Variants in LMBR1 observed in about 807,000 individuals in gnomAD.
LMBR1 encodes the protein limb region 1 protein homolog.
LMBR1 carries 52 observed loss-of-function variants against 73.9 expected under a neutral mutation model. That is an observed-to-expected ratio of 0.70 (90% CI 0.56 to 0.89). The LOEUF (loss-of-function observed/expected upper bound fraction) is 0.89. Among genes scored for constraint, LMBR1 ranks in the 40% least tolerant of loss-of-function variants. The pLI is 0.00. For synonymous variants in LMBR1, 215 were observed against 209.4 expected (o/e 1.03, Z -0.23); for missense variants, 539 against 579.8 (o/e 0.93, Z 0.72).
Position 156,836,838 on chromosome 7 carries a change from G to T in LMBR1, c.114C>A (p.Ile38=). 6.3e-7 allele frequency: 1 copy of T among 1,580,012 alleles called. No homozygotes were observed. The highest frequency in any genetic ancestry group is 8.6e-7 in the Non-Finnish European group (1 of 1,159,044). The change falls in exon 2 of 17, where the codon ATC becomes ATA. Residue 38 remains isoleucine, a synonymous_variant. Coordinates refer to ENST00000353442, the MANE Select transcript of LMBR1 (RefSeq NM_022458.4). ...CTGATTTTCTCTTGTATCTTGTGAT[G>T]ATGAAGTAGGAAACAACGTAGAGAA... ...FAILYVVSYF[I]ITRYKRKSDE...
chr7:156,766,433 T>A (rs1824097228), intron 5 of LMBR1, among the ~76,000 whole-genome samples: 1 of 152,182 alleles, frequency 6.6e-6, no homozygotes, highest in Non-Finnish European at 1.5e-5. Flanking sequence ...GGTTATGTGC[T>A]GTGCATAACC....
intron 15 of LMBR1, among the ~76,000 whole-genome samples, chr7:156,709,781 G>A (rs560971075): frequency 6.6e-6 from 1 of 151,866 alleles, no homozygotes; most frequent in Admixed American, 6.6e-5. Context: ...AGTAATTCTG[G>A]CAATATAAAA....
chr7:156,813,905 TG>T (rs1833501071), intron 4 of LMBR1, among the ~76,000 whole-genome samples: 1 of 152,198 alleles, frequency 6.6e-6, no homozygotes, highest in Admixed American at 6.5e-5. Context: ...GACAAAGAAT[TG>T]TTTTAGACTG....
Position 156,762,832 on chromosome 7 carries a change from AGTGT to A in LMBR1, c.619+272_619+275del, listed in dbSNP as rs144974995. ...GTATGACTGTATATGAGTGTGTGAA[AGTGT>A]GTGAGTGTGAGTGTGTGTGTGTGTG... On this transcript the variant is annotated intron_variant, in intron 7 of 16. Transcript: ENST00000353442. Among the ~76,000 whole-genome samples, 15,651 of 134,916 alleles carry A rather than the reference AGTGT, an allele frequency of 0.12. 877 individuals are homozygous for A. Among genetic ancestry groups the A allele is most frequent in the East Asian group, 0.15 (667 of 4,342 alleles). The allele number at this position is 134,916 out of a possible 152,430, so 88.5% of individuals were successfully genotyped here.
rs138143857 is a variant in LMBR1 at position 156,804,058 on chromosome 7, G to T, written c.320-7566C>A. ...ACCTAATGCTAAATGAGGAGATGAT[G>T]GGTGCAGCACACCAACATGGCACAT... On this transcript the variant is annotated intron_variant, in intron 4 of 16. Transcript: ENST00000353442. 3.4e-4 allele frequency among the ~76,000 whole-genome samples: 51 copies of T among 151,778 alleles called. No homozygotes were observed. The East Asian group carries it at 9.9e-3, about 29-fold the overall frequency.
At chr7:156,746,137 A>G (rs933249664) in intron 9 of LMBR1, among the ~76,000 whole-genome samples, 6 of 152,196 alleles carry the variant, frequency 3.9e-5, no homozygotes, top group East Asian at 3.8e-4. Flanking sequence ...TTTAAACTAC[A>G]TAATAGTCTT....
intron 1 of LMBR1, among the ~76,000 whole-genome samples, chr7:156,870,964 G>A (rs368337145): frequency 6.6e-5 from 10 of 151,534 alleles, no homozygotes; most frequent in African/African-American, 2.2e-4. Flanking sequence ...ACAAAGATTA[G>A]AGCAGAAATA....
chr7:156,821,018 T>C (rs1016512402), intron 4 of LMBR1, among the ~76,000 whole-genome samples: 1 of 152,136 alleles, frequency 6.6e-6, no homozygotes. Flanking sequence ...GAGAAACAGC[T>C]CTTGACCCAC....
chr7:156,759,912 T>C (rs979580584), intron 8 of LMBR1, among the ~76,000 whole-genome samples: 2 of 152,132 alleles, frequency 1.3e-5, no homozygotes, highest in African/African-American at 4.8e-5. Flanking sequence ...TAATTCCGAC[T>C]GGCTATTTTA....
intron 9 of LMBR1, chr7:156,736,377 G>T: frequency 2.7e-6 from 1 of 368,918 alleles, no homozygotes; most frequent in Non-Finnish European, 5.4e-6. Flanking sequence ...TCATTATTTA[G>T]TATAATAGCT....
chr7:156,680,976 A>G lies in LMBR1; in HGVS notation c.*3102T>C, dbSNP rs902581493. The G allele has an allele frequency of 3.3e-5, 10 of 303,086 alleles. No individual in the cohort carries two copies. The highest frequency in any genetic ancestry group is 5.5e-5 in the Admixed American group (1 of 18,162). 18.8% of individuals were successfully genotyped at this position (303,086 alleles called of 1,614,324 possible). A position where few individuals can be genotyped will look rare whatever the true frequency, so the allele number is the denominator to read the frequency against. ...AGACTAACAATTTGTAAACAAAACA[A>G]TCTGTAAACAAAAATCAATTACTAG... On this transcript the variant is annotated 3_prime_UTR_variant, in exon 17 of 17. Coordinates refer to ENST00000353442, the MANE Select transcript of LMBR1 (RefSeq NM_022458.4).
intron 15 of LMBR1, among the ~76,000 whole-genome samples, chr7:156,695,885 G>A (rs566705200): frequency 9.3e-5 from 14 of 150,294 alleles, no homozygotes; most frequent in Non-Finnish European, 1.5e-4. Context: ...AAAAGAGAGA[G>A]CACAGAAACA....
At chr7:156,791,103 A>G (rs1829145118) in intron 5 of LMBR1, among the ~76,000 whole-genome samples, 1 of 152,176 alleles carries the variant, frequency 6.6e-6, no homozygotes, top group South Asian at 2.1e-4. Context: ...TCAAATTAAC[A>G]CGTAACAATA....
chr7:156,727,959 CA>C lies in LMBR1; in HGVS notation c.963del (p.Asp322MetfsTer14). On this transcript the variant is annotated frameshift_variant, in exon 12 of 17. Coordinates refer to ENST00000353442, the MANE Select transcript of LMBR1 (RefSeq NM_022458.4). LOFTEE classifies it high-confidence loss of function. Reference sequence around the variant, plus strand: ...GTTCCTTTTGGCATTGCTGTTTCATCAACCAATAGGCAAAGAATATTACAAG... The same window carrying C: ...GTTCCTTTTGGCATTGCTGTTTCATCACCAATAGGCAAAGAATATTACAAG... ...LVACNILCLL[V>X]DETAMPKGTR... 1 of 1,613,356 alleles carries C rather than the reference CA, an allele frequency of 6.2e-7. No homozygotes were observed. Among genetic ancestry groups the C allele is most frequent in the Non-Finnish European group, 8.5e-7 (1 of 1,179,684 alleles).
chr7:156,869,029 A>T (rs553183687), intron 1 of LMBR1, among the ~76,000 whole-genome samples: 47 of 152,344 alleles, frequency 3.1e-4, no homozygotes, highest in African/African-American at 1.1e-3. Flanking sequence ...AAATCATGCT[A>T]TTAATAGATA....
In LMBR1 at chr7:156,677,907, A is replaced by G. The variant is rs1022948834; in HGVS notation, c.*6171T>C. 3 of 152,198 alleles carry G rather than the reference A, an allele frequency of 2.0e-5. No individual in the cohort carries two copies. Among genetic ancestry groups the G allele is most frequent in the African/African-American group, 4.8e-5 (2 of 41,444 alleles). 9.4% of individuals were successfully genotyped at this position (152,198 alleles called of 1,614,324 possible). ...AGGGAAACTGAATCACAGAACCTCA[A>G]TTTTCTGTAAGCTGACATCTCTCTC... On this transcript the variant is annotated 3_prime_UTR_variant, in exon 17 of 17. Transcript: ENST00000353442.
chr7:156,718,859 T>C (rs1445077420), intron 15 of LMBR1, among the ~76,000 whole-genome samples: 1 of 151,690 alleles, frequency 6.6e-6, no homozygotes, highest in Non-Finnish European at 1.5e-5. Flanking sequence ...GTTTTTCAAG[T>C]TACTTTTTTT....
rs745824343 is a variant in LMBR1 at position 156,724,160 on chromosome 7, A to T, written c.1177T>A (p.Ser393Thr). The part of the protein sequence containing the change: ...TMTKIIGNCV[S>T]ILVLSSALPV... ...AGAGCAGAGCTCAAAACCAAGATGG[A>T]CACACAATTTCCAATGATCTGTTAT... is the stretch of plus-strand genomic sequence containing the variant. The change falls in exon 15 of 17, where the codon TCC becomes ACC. Residue 393 changes from serine to threonine, a missense_variant. Around this residue, in one of 3 missense-constraint regions of LMBR1, gnomAD observed 454 missense variants for 473.4 expected, o/e 0.96. Transcript: ENST00000353442. The T allele has an allele frequency of 1.9e-6, 3 of 1,611,006 alleles. No individual in the cohort carries two copies. Among genetic ancestry groups the T allele is most frequent in the Non-Finnish European group, 2.5e-6 (3 of 1,178,326 alleles).
At chr7:156,881,933 A>G (rs965440814) in intron 1 of LMBR1, among the ~76,000 whole-genome samples, 8 of 152,204 alleles carry the variant, frequency 5.3e-5, no homozygotes, top group Non-Finnish European at 8.8e-5. Flanking sequence ...TGAAAAAATT[A>G]AAAACAAAAC....
Sources: gnomAD v4.1 joint callset for allele counts (sites outside exome capture counted in the v4.1 genomes callset) on GRCh38, gnomAD v4.1.1 for gene constraint, gnomAD v4.1.1 regional missense constraint, MANE v1.5 for transcripts, NCBI Gene and HGNC (gene_info 2026-07-23, HGNC 2026-07-21) for gene names.